SLC23A2: variants seen among roughly 807,000 people sequenced by gnomAD.
The protein encoded by SLC23A2 is Na(+)/L-ascorbic acid transporter 2.
SLC23A2 carries 36 observed loss-of-function variants against 73.3 expected under a neutral mutation model. That is an observed-to-expected ratio of 0.49 (90% CI 0.38 to 0.65). The LOEUF is 0.65. Ranked by LOEUF, SLC23A2 falls within the 30% of genes least tolerant of loss-of-function variation. The pLI, the probability that SLC23A2 is intolerant of heterozygous loss-of-function variation, is 0.00. For missense variants in SLC23A2, 507 were observed against 841.6 expected, an observed-to-expected ratio of 0.60 and a Z score of 4.92; for synonymous variants, 343 against 327.3, an observed-to-expected ratio of 1.05 and a Z score of -0.52.
chr20:4,862,162 C>G lies in SLC23A2; in HGVS notation c.1487-77G>C. On this transcript the variant is annotated intron_variant, in intron 14 of 16. Coordinates refer to ENST00000338244, the MANE Select transcript of SLC23A2 (RefSeq NM_005116.6). The surrounding 1 kb of genome is among the most constrained non-coding windows in gnomAD (Gnocchi z 5.1). ...AGCTCAAGGCAGGTGAGGGCAGGCT[C>G]CCTGGCACCCCTTCTCTGTCCAACA... 1 of 1,407,968 alleles carries G rather than the reference C, an allele frequency of 7.1e-7. No individual in the cohort carries two copies. Among genetic ancestry groups the G allele is most frequent in the African/African-American group, 1.4e-5 (1 of 70,090 alleles). 87.2% of individuals were successfully genotyped at this position (1,407,968 alleles called of 1,614,324 possible).
At chr20:4,896,432 C>T (rs1207642291) in intron 6 of SLC23A2, among the ~76,000 whole-genome samples, 1 of 148,490 alleles carries the variant, frequency 6.7e-6, no homozygotes, top group Non-Finnish European at 1.5e-5. Flanking sequence ...CAAAAGCCCC[C>T]CTCAGCCTGG....
At chr20:4,953,334 T>C (rs1459321430) in intron 2 of SLC23A2, among the ~76,000 whole-genome samples, 1 of 151,024 alleles carries the variant, frequency 6.6e-6, no homozygotes, top group Non-Finnish European at 1.5e-5. Flanking sequence ...TTAAATTAAA[T>C]AAAAAAAGAA....
chr20:4,975,280 A>C (rs1406083538), intron 1 of SLC23A2, among the ~76,000 whole-genome samples: 1 of 152,244 alleles, frequency 6.6e-6, no homozygotes, highest in Non-Finnish European at 1.5e-5. Flanking sequence ...GCACAACGGA[A>C]GAAAACTATG....
upstream of SLC23A2, among the ~76,000 whole-genome samples, chr20:5,003,599 A>C (rs2088158566): frequency 6.6e-6 from 1 of 151,888 alleles, no homozygotes; most frequent in Non-Finnish European, 1.5e-5. Context: ...TTCCAGGGTC[A>C]AGACCCCCTG....
intron 3 of SLC23A2, among the ~76,000 whole-genome samples, chr20:4,915,461 G>A (rs1452320042): frequency 6.6e-6 from 1 of 152,172 alleles, no homozygotes; most frequent in Non-Finnish European, 1.5e-5. Context: ...CCTAAAATGA[G>A]TAAGTACAAT....
chr20:4,877,285 G>A (rs1322590613), intron 9 of SLC23A2, among the ~76,000 whole-genome samples: 5 of 152,078 alleles, frequency 3.3e-5, no homozygotes, highest in Non-Finnish European at 7.3e-5. Context: ...TTTTCACGTT[G>A]AGGTATATAT....
At chr20:4,954,039 T>C (rs2087244557) in intron 2 of SLC23A2, among the ~76,000 whole-genome samples, 1 of 152,140 alleles carries the variant, frequency 6.6e-6, no homozygotes, top group Non-Finnish European at 1.5e-5. Flanking sequence ...AGGATGTCAT[T>C]TTACATTGCT....
At chr20:4,905,011 G>A (rs1279369011) in intron 4 of SLC23A2, among the ~76,000 whole-genome samples, 2 of 151,756 alleles carry the variant, frequency 1.3e-5, no homozygotes, top group Non-Finnish European at 1.5e-5. Context: ...CTATTCCGGA[G>A]GCTGAGGCAG....
At chr20:5,007,114 T>C (rs2088200276) in intron 1 of SLC23A2, among the ~76,000 whole-genome samples, 1 of 152,170 alleles carries the variant, frequency 6.6e-6, no homozygotes, top group Admixed American at 6.6e-5. Flanking sequence ...CCGTATAGCA[T>C]GTATACCACG....
At chr20:4,965,211 T>G (rs1383009431) in intron 2 of SLC23A2, among the ~76,000 whole-genome samples, 1 of 152,006 alleles carries the variant, frequency 6.6e-6, no homozygotes, top group Non-Finnish European at 1.5e-5. Flanking sequence ...GAGCCTAAAT[T>G]TATCATTCCT....
intron 1 of SLC23A2, among the ~76,000 whole-genome samples, chr20:4,974,037 G>A (rs897423607): frequency 2.0e-5 from 3 of 152,088 alleles, no homozygotes; most frequent in Admixed American, 1.3e-4. Context: ...TCCTTAAAAA[G>A]GGATGTTAAC....
chr20:4,912,875 G>A lies in SLC23A2; in HGVS notation c.207+5C>T. On this transcript the variant is annotated splice_donor_5th_base_variant and intron_variant, in intron 4 of 16. Transcript: ENST00000338244. ...AGTGGGGACACGGGGTGACGGAAGG[G>A]GTACCTTTTCTGCAATGCCGTTTTC... The A allele has an allele frequency of 1.9e-6, 3 of 1,586,452 alleles. No homozygotes were observed. The highest frequency in any genetic ancestry group is 2.6e-6 in the Non-Finnish European group (3 of 1,155,198).
chr20:4,891,800 A>C (rs762611434), intron 6 of SLC23A2, among the ~76,000 whole-genome samples: 5 of 152,128 alleles, frequency 3.3e-5, no homozygotes, highest in Non-Finnish European at 5.9e-5. Flanking sequence ...CTCAGGCTGG[A>C]GTGTAGTGGC....
At chr20:4,952,019 G>A (rs1241114076) in intron 2 of SLC23A2, among the ~76,000 whole-genome samples, 5 of 142,810 alleles carry the variant, frequency 3.5e-5, no homozygotes, top group Admixed American at 2.3e-4. Context: ...CAGGAGAATC[G>A]CTTGAACCTG....
intron 1 of SLC23A2, among the ~76,000 whole-genome samples, chr20:5,009,377 A>G (rs1414598479): frequency 6.6e-6 from 1 of 152,130 alleles, no homozygotes; most frequent in African/African-American, 2.4e-5. Flanking sequence ...ATTCTTGCTC[A>G]GAAAGTCCCA....
chr20:4,873,398 C>A (rs560047195), intron 11 of SLC23A2, among the ~76,000 whole-genome samples: 1 of 152,162 alleles, frequency 6.6e-6, no homozygotes, highest in East Asian at 1.9e-4. Context: ...GTATTCACAC[C>A]CCCAACAGTT....
intron 1 of SLC23A2, among the ~76,000 whole-genome samples, chr20:4,972,127 C>A (rs6139592): frequency 0.43 from 65,209 of 152,046 alleles, 14,099 homozygotes; most frequent in South Asian, 0.53. Context: ...AACAGCCATC[C>A]CAGCCCCAGC....
At position 4,874,169 on chromosome 20, in the gene SLC23A2, C is replaced by T. The variant is rs572257975; in HGVS notation, c.946-77G>A. 353 of 1,397,978 alleles carry T rather than the reference C, an allele frequency of 2.5e-4. 1 individual carries two copies. The highest frequency in any genetic ancestry group is 9.9e-4 in the East Asian group (43 of 43,558). The allele number at this position is 1,397,978 out of a possible 1,614,324, so 86.6% of individuals were successfully genotyped here. On this transcript the variant is annotated intron_variant, in intron 10 of 16. Coordinates refer to ENST00000338244, the MANE Select transcript of SLC23A2 (RefSeq NM_005116.6). ...GGCAAAAAACACGTCTTCCCGCGGTCGGAATATCACACCCCAGAGCCCACC... is the reference window on the plus strand; with the variant it reads ...GGCAAAAAACACGTCTTCCCGCGGTTGGAATATCACACCCCAGAGCCCACC...
chr20:4,900,319 G>A (rs8116601), intron 5 of SLC23A2, among the ~76,000 whole-genome samples: 1 of 152,072 alleles, frequency 6.6e-6, no homozygotes, highest in South Asian at 2.1e-4. Context: ...GAAATATTTG[G>A]GTTTCTTCCC....
Sources: gnomAD v4.1 joint callset for allele counts (sites outside exome capture counted in the v4.1 genomes callset) on GRCh38, gnomAD v4.1.1 for gene constraint, Gnocchi (gnomAD v3.1) non-coding constraint, MANE v1.5 for transcripts, NCBI Gene and HGNC (gene_info 2026-07-23, HGNC 2026-07-21) for gene names.